TCEA1: variants seen among roughly 807,000 people sequenced by gnomAD.
TCEA1 encodes transcription elongation factor A1.
In TCEA1, 21 loss-of-function variants were observed where a neutral mutation model predicts 43.8. That is an observed-to-expected ratio of 0.48 (90% CI 0.34 to 0.69). The LOEUF is 0.69. TCEA1 is among the 30% of genes least tolerant of loss of function. The pLI is 0.01. For synonymous variants in TCEA1, 104 were observed against 117.5 expected (o/e 0.88, Z 0.75); for missense variants, 250 against 365.1 (o/e 0.68, Z 2.57).
chr8:54,005,367 T>A (rs1804406554), intron 2 of TCEA1, among the ~76,000 whole-genome samples: 1 of 152,228 alleles, frequency 6.6e-6, no homozygotes, highest in African/African-American at 2.4e-5. Context: ...AACATTTCCA[T>A]CACTGCAAAG....
At chr8:54,012,962 C>CAAAAAAAAAA (rs72062714) in intron 1 of TCEA1, among the ~76,000 whole-genome samples, 4 of 76,972 alleles carry the variant, frequency 5.2e-5, no homozygotes, top group African/African-American at 1.3e-4. Context: ...ACGACGACGA[C>CAAAAAAAAAA]AAAAAAAAAA....
At chr8:54,003,165 A>G (rs1456753672) in intron 2 of TCEA1, 1 of 414,990 alleles carries the variant, frequency 2.4e-6, no homozygotes, top group Non-Finnish European at 4.8e-6. Context: ...TTTAAAACAC[A>G]CATATATAAA....
At chr8:53,972,920 GTATTTAACAGCA>G in intron 8 of TCEA1, 1 of 668,980 alleles carries the variant, frequency 1.5e-6, no homozygotes, top group Non-Finnish European at 2.8e-6. Flanking sequence ...CCTCAGAGGT[GTATTTAACAGCA>G]TATAAACTAA....
chr8:53,992,670 G>A (rs537522116), intron 4 of TCEA1, among the ~76,000 whole-genome samples: 5 of 152,198 alleles, frequency 3.3e-5, no homozygotes, highest in Non-Finnish European at 7.3e-5. Context: ...ACAGGACGAA[G>A]TCTGAGAATC....
chr8:54,010,030 G>A (rs1032709782), intron 2 of TCEA1: 9 of 194,376 alleles, frequency 4.6e-5, no homozygotes, highest in Non-Finnish European at 9.3e-5. Context: ...CTTGACTGGT[G>A]CTAAAAAAAA....
At chr8:54,006,394 G>A (rs1215828008) in intron 2 of TCEA1, among the ~76,000 whole-genome samples, 4 of 152,010 alleles carry the variant, frequency 2.6e-5, no homozygotes, top group African/African-American at 4.8e-5. Flanking sequence ...CAGGAGAATC[G>A]CTTGAACCCG....
intron 8 of TCEA1, among the ~76,000 whole-genome samples, chr8:53,977,760 T>G (rs1198813768): frequency 6.6e-6 from 1 of 152,002 alleles, no homozygotes; most frequent in East Asian, 1.9e-4. Flanking sequence ...TAACACGGTT[T>G]TCAGCTGTTA....
Position 54,019,567 on chromosome 8 carries a change from C to CAA in TCEA1, c.63+2494_63+2495dup, listed in dbSNP as rs1364478794. Reference sequence around the variant, plus strand: ...CCTGGGTAACAGAGTGACACTGTCTCAAAAAAAAAAAAAAAAAGTTAACTT... The same window carrying CAA: ...CCTGGGTAACAGAGTGACACTGTCTCAAAAAAAAAAAAAAAAAAAGTTAACTT... On this transcript the variant is annotated intron_variant, in intron 1 of 9. Transcript: ENST00000521604. Among the ~76,000 whole-genome samples the CAA allele has an allele frequency of 2.6e-3, 175 of 68,012 alleles. 1 individual carries two copies. The highest frequency in any genetic ancestry group is 7.9e-3 in the African/African-American group (158 of 19,980). The allele number at this position is 68,012 out of a possible 152,430, so 44.6% of individuals were successfully genotyped here.
chr8:54,013,883 T>C (rs1245291601), intron 1 of TCEA1, among the ~76,000 whole-genome samples: 1 of 152,140 alleles, frequency 6.6e-6, no homozygotes, highest in Non-Finnish European at 1.5e-5. Flanking sequence ...AAGCAGGTAT[T>C]ATCTCCATTT....
chr8:53,993,903 C>T (rs1265708807), intron 3 of TCEA1, 148 bp from the exon 4 acceptor site: 1 of 638,716 alleles, frequency 1.6e-6, no homozygotes, highest in African/African-American at 1.8e-5. Flanking sequence ...AGCATATGTA[C>T]TATTTTTCAC....
In TCEA1 at chr8:53,970,461, T is replaced by C. The variant is rs1245743734; in HGVS notation, c.828A>G (p.Val276=). ...TTGGTTCATCAGCACTACGGGTTTG[T>C]ACCTGCAGCAAAATTAAATTAAATG... ...CKKKNCTYTQ[V]QTRSADEPMT... The change falls in exon 9 of 10, where the codon GTA becomes GTG. Residue 276 remains valine, a splice_region_variant and synonymous_variant. Transcript: ENST00000521604. 2 of 1,601,334 alleles carry C rather than the reference T, an allele frequency of 1.2e-6. No individual in the cohort carries two copies. Among genetic ancestry groups the C allele is most frequent in the African/African-American group, 2.7e-5 (2 of 74,580 alleles).
At chr8:54,010,256 A>G (rs1230486607) in intron 2 of TCEA1, 174 bp downstream of exon 2, 7 of 566,008 alleles carry the variant, frequency 1.2e-5, no homozygotes, top group East Asian at 3.5e-5. Context: ...ACATTGCTCT[A>G]TAATGGCAAC....
chr8:53,992,905 C>G (rs1478143523), intron 4 of TCEA1, among the ~76,000 whole-genome samples: 1 of 151,384 alleles, frequency 6.6e-6, no homozygotes, highest in Non-Finnish European at 1.5e-5. Context: ...GAGGGACAAT[C>G]TGAACTCTTT....
At chr8:53,984,549 T>G (rs1424061791) in intron 6 of TCEA1, 32 bp from the exon 7 acceptor site, 5 of 1,515,738 alleles carry the variant, frequency 3.3e-6, no homozygotes, top group Non-Finnish European at 4.4e-6. Flanking sequence ...AAGGCAAAAT[T>G]ACAAAAGTAA....
Position 54,007,549 on chromosome 8 carries a change from T to A in TCEA1, c.126+2881A>T, listed in dbSNP as rs940396483. ...AACAATAATGAGCAATTTCAATACT[T>A]TTACAATGTAAGTAAACTGAAGTTA... On this transcript the variant is annotated intron_variant, in intron 2 of 9. Coordinates refer to ENST00000521604, the MANE Select transcript of TCEA1 (RefSeq NM_006756.4). Among the ~76,000 whole-genome samples the A allele has an allele frequency of 8.5e-4, 129 of 152,330 alleles. 1 individual carries two copies. The highest frequency in any genetic ancestry group is 1.9e-4 in the Non-Finnish European group (13 of 68,034).
At chr8:54,002,940 A>G (rs1236918044) in intron 2 of TCEA1, 4 of 456,180 alleles carry the variant, frequency 8.8e-6, no homozygotes, top group South Asian at 4.6e-5. Context: ...TCAGCTGCAC[A>G]CTGATGGAAA....
intron 4 of TCEA1, among the ~76,000 whole-genome samples, chr8:53,993,060 C>T (rs142415009): frequency 3.3e-5 from 5 of 149,688 alleles, no homozygotes; most frequent in African/African-American, 9.9e-5. Flanking sequence ...TCCAGCAATT[C>T]TCCCACCCCA....
intron 9 of TCEA1, 184 bp downstream of exon 9, chr8:53,970,208 C>T: frequency 3.1e-6 from 2 of 637,352 alleles, no homozygotes; most frequent in Non-Finnish European, 5.6e-6. Context: ...CAAGTTAATA[C>T]TCTTTATTTC....
At chr8:53,978,000 TATTA>T (rs1277899423) in intron 8 of TCEA1, among the ~76,000 whole-genome samples, 2 of 152,224 alleles carry the variant, frequency 1.3e-5, no homozygotes, top group Non-Finnish European at 2.9e-5. Context: ...ATGGTCATTT[TATTA>T]ATTCTTATAT....
Sources: gnomAD v4.1 joint callset for allele counts (sites outside exome capture counted in the v4.1 genomes callset) on GRCh38, gnomAD v4.1.1 for gene constraint, MANE v1.5 for transcripts, NCBI Gene and HGNC (gene_info 2026-07-23, HGNC 2026-07-21) for gene names.